Variants in AMPD1 observed in about 807,000 individuals in gnomAD.
The protein encoded by AMPD1 is AMP deaminase 1.
A neutral mutation model predicts 82.9 loss-of-function variants in AMPD1; 74 were observed. That is an observed-to-expected ratio of 0.89 (90% CI 0.74 to 1.08). The LOEUF (loss-of-function observed/expected upper bound fraction) is 1.08. Among genes scored for constraint, AMPD1 ranks in the 50% least tolerant of loss-of-function variants. The pLI, the probability that AMPD1 is intolerant of heterozygous loss-of-function variation, is 0.00. For missense variants in AMPD1, 881 were observed against 924.5 expected (o/e 0.95, Z 0.61); for synonymous variants, 333 against 320.5 (o/e 1.04, Z -0.42).
intron 5 of AMPD1, among the ~76,000 whole-genome samples, chr1:114,682,820 C>T (rs935245221): frequency 5.3e-5 from 8 of 152,130 alleles, no homozygotes; most frequent in Non-Finnish European, 1.0e-4. Flanking sequence ...CCTCGTGATC[C>T]GCCCGCCTTG....
intron 6 of AMPD1, among the ~76,000 whole-genome samples, chr1:114,680,000 C>T (rs1220979232): frequency 6.6e-6 from 1 of 152,208 alleles, no homozygotes; most frequent in Non-Finnish European, 1.5e-5. Flanking sequence ...AATCCTGGCT[C>T]AGCCAGCTGT....
chr1:114,685,551 A>C (rs973636472), intron 4 of AMPD1, among the ~76,000 whole-genome samples: 6 of 152,178 alleles, frequency 3.9e-5, no homozygotes, highest in African/African-American at 1.4e-4. Flanking sequence ...GTAGAGAAAC[A>C]TACTTCGTTT....
intron 2 of AMPD1, among the ~76,000 whole-genome samples, chr1:114,690,675 A>G (rs1557974766): frequency 1.3e-5 from 2 of 152,200 alleles, no homozygotes; most frequent in African/African-American, 4.8e-5. Context: ...ATGGAACACC[A>G]AGTAAATGCA....
chr1:114,687,176 A>G (rs1238665868), intron 3 of AMPD1, among the ~76,000 whole-genome samples: 1 of 152,082 alleles, frequency 6.6e-6, no homozygotes, highest in Non-Finnish European at 1.5e-5. Context: ...CTTCCCAGGC[A>G]GTCCACTCCC....
At chr1:114,679,445 T>C (rs192753656) in intron 7 of AMPD1, 134 bp downstream of exon 7, 38 of 1,263,632 alleles carry the variant, frequency 3.0e-5, no homozygotes, top group East Asian at 2.6e-4. Flanking sequence ...TAATCTATTA[T>C]CTGTTTTTAC....
chr1:114,683,991 G>C (rs1365252851), intron 5 of AMPD1, among the ~76,000 whole-genome samples: 1 of 152,138 alleles, frequency 6.6e-6, no homozygotes, highest in African/African-American at 2.4e-5. Flanking sequence ...CCTGAATGAG[G>C]GTTTAGGGAA....
In AMPD1 at chr1:114,676,238, A is replaced by G. The variant is rs1657978128; in HGVS notation, c.1389-235T>C. ...ACCCTATGTCCCCATCTTTTTTACA[A>G]ACCTTTGTCATAAGAAAACTAAACC... On this transcript the variant is annotated intron_variant, in intron 10 of 15. Coordinates refer to ENST00000520113, the MANE Select transcript of AMPD1 (RefSeq NM_000036.3). 6.1e-6 allele frequency: 3 copies of G among 488,474 alleles called. No individual in the cohort carries two copies. The East Asian group carries it at 1.2e-4, about 19-fold the overall frequency. 30.3% of individuals were successfully genotyped at this position (488,474 alleles called of 1,614,324 possible).
chr1:114,675,911 TG>T lies in AMPD1; in HGVS notation c.1480del (p.Gln494ArgfsTer65). The T allele has an allele frequency of 6.2e-7, 1 of 1,614,166 alleles. No individual in the cohort carries two copies. Among genetic ancestry groups the T allele is most frequent in the South Asian group, 1.1e-5 (1 of 91,088 alleles). On this transcript the variant is annotated frameshift_variant, in exon 11 of 16. Coordinates refer to ENST00000520113, the MANE Select transcript of AMPD1 (RefSeq NM_000036.3). LOFTEE classifies it high-confidence loss of function. ...GAAGACACTGAGTTCTGGGTCAGCC[TG>T]GGGGTTGATGGTGGCCTCAAACACT... ...MPVFEATINPQADPELSVFLK... is the reference protein window; with the variant it reads ...MPVFEATINPXADPELSVFLK...
chr1:114,678,574 T>G, intron 7 of AMPD1, 47 bp from the exon 8 acceptor site: 2 of 1,531,482 alleles, frequency 1.3e-6, no homozygotes, highest in East Asian at 2.3e-5. Flanking sequence ...CAGCCTTAGT[T>G]ATGCTACTCT....
At chr1:114,694,495 AC>A (rs1475929515) in intron 1 of AMPD1, among the ~76,000 whole-genome samples, 1 of 152,144 alleles carries the variant, frequency 6.6e-6, no homozygotes, top group Non-Finnish European at 1.5e-5. Context: ...AGAAAAAAAA[AC>A]ACTAAAATGT....
intron 3 of AMPD1, among the ~76,000 whole-genome samples, chr1:114,687,159 C>T (rs1488317259): frequency 2.0e-5 from 3 of 152,098 alleles, no homozygotes; most frequent in African/African-American, 7.2e-5. Flanking sequence ...TTCACCATGA[C>T]ACCCTTCTTC....
intron 5 of AMPD1, among the ~76,000 whole-genome samples, chr1:114,682,109 A>T (rs1448497568): frequency 6.6e-6 from 1 of 152,150 alleles, no homozygotes; most frequent in African/African-American, 2.4e-5. Flanking sequence ...CATCCTTTTG[A>T]CTTTCAACAA....
In AMPD1 at chr1:114,684,926, G is replaced by T. The variant is rs369517529; in HGVS notation, c.382-562C>A. On this transcript the variant is annotated intron_variant, in intron 4 of 15. Coordinates refer to ENST00000520113, the MANE Select transcript of AMPD1 (RefSeq NM_000036.3). The stretch of plus-strand genomic sequence containing the variant: ...TTAGTCGTTTAGATGATTTTAAAGA[G>T]AATTTTATTTCTGGGTAAAACTTGA... Among the ~76,000 whole-genome samples the T allele has an allele frequency of 3.3e-5, 5 of 152,310 alleles. No homozygotes were observed. In the East Asian group the frequency reaches 7.7e-4, roughly 24 times the overall value.
chr1:114,673,331 T>C (rs2101709698), intron 15 of AMPD1, 59 bp from the exon 16 acceptor site: 1 of 1,582,290 alleles, frequency 6.3e-7, no homozygotes, highest in Admixed American at 1.7e-5. Flanking sequence ...GTATAGACAA[T>C]AATTGCATTC....
At chr1:114,686,329 C>A (rs1343563953) in intron 4 of AMPD1, among the ~76,000 whole-genome samples, 1 of 152,014 alleles carries the variant, frequency 6.6e-6, no homozygotes, top group Non-Finnish European at 1.5e-5. Flanking sequence ...TATCTGCAAC[C>A]CTTCTCACTA....
intron 4 of AMPD1, among the ~76,000 whole-genome samples, chr1:114,685,114 TC>T (rs1658272609): frequency 6.6e-6 from 1 of 152,154 alleles, no homozygotes; most frequent in Non-Finnish European, 1.5e-5. Flanking sequence ...CATATGCTTG[TC>T]CCCAGTAGTT....
chr1:114,674,636 G>T (rs1570836644), intron 13 of AMPD1, 116 bp downstream of exon 13: 1 of 1,301,060 alleles, frequency 7.7e-7, no homozygotes, highest in East Asian at 2.3e-5. Flanking sequence ...AATCTTTTAT[G>T]CTCTACTTGA....
chr1:114,674,116 G>A (rs2101710475), intron 13 of AMPD1, 34 bp from the exon 14 acceptor site: 1 of 1,584,556 alleles, frequency 6.3e-7, no homozygotes, highest in Admixed American at 1.7e-5. Flanking sequence ...ATTTAAAGAT[G>A]TTGAAAAAGG....
At chr1:114,690,085 C>T (rs1658468667) in intron 2 of AMPD1, among the ~76,000 whole-genome samples, 1 of 152,124 alleles carries the variant, frequency 6.6e-6, no homozygotes, top group South Asian at 2.1e-4. Flanking sequence ...AAAGATGCCC[C>T]CAGCTATTAA....
Sources: allele counts gnomAD v4.1 joint callset (sites outside exome capture counted in the v4.1 genomes callset), GRCh38; gene constraint gnomAD v4.1.1; transcripts MANE v1.5; gene names NCBI Gene and HGNC (gene_info 2026-07-23, HGNC 2026-07-21).